Variants in MDGA2 observed in about 807,000 individuals in gnomAD.
The protein encoded by MDGA2 is MAM domain-containing glycosylphosphatidylinositol anchor protein 2.
Under a neutral mutation model 117.8 loss-of-function variants are expected in MDGA2, and 40 were observed. That is an observed-to-expected ratio of 0.34 (90% CI 0.26 to 0.44). MDGA2 has a LOEUF of 0.44. Among genes scored for constraint, MDGA2 ranks in the 20% least tolerant of loss-of-function variants. The pLI, the probability that MDGA2 is intolerant of heterozygous loss-of-function variation, is 1.00. For synonymous variants in MDGA2, 452 were observed against 439.0 expected (o/e 1.03, Z -0.37); for missense variants, 1,123 against 1,250.6 (o/e 0.90, Z 1.54).
At chr14:47,160,638 C>G (rs1395784558) in intron 3 of MDGA2, among the ~76,000 whole-genome samples, 1 of 152,162 alleles carries the variant, frequency 6.6e-6, no homozygotes, top group African/African-American at 2.4e-5. Flanking sequence ...CCACTCCATT[C>G]TGGACCACAG....
At chr14:47,529,266 T>G (rs1339140799) in intron 1 of MDGA2, among the ~76,000 whole-genome samples, 1 of 152,200 alleles carries the variant, frequency 6.6e-6, no homozygotes, top group East Asian at 1.9e-4. Flanking sequence ...CAGAAAAACT[T>G]CTATAAATCA....
At chr14:47,555,501 T>C (rs1895666121) in intron 1 of MDGA2, among the ~76,000 whole-genome samples, 1 of 152,170 alleles carries the variant, frequency 6.6e-6, no homozygotes, top group Non-Finnish European at 1.5e-5. Context: ...GTCATTAAGT[T>C]GCCATGTATG....
intron 1 of MDGA2, among the ~76,000 whole-genome samples, chr14:47,309,523 A>T (rs533335396): frequency 4.0e-4 from 61 of 152,232 alleles, no homozygotes; most frequent in African/African-American, 1.4e-3. Flanking sequence ...TTATTTCCTT[A>T]GTACATGTTG....
At chr14:46,975,310 C>A (rs1357887190) in intron 8 of MDGA2, among the ~76,000 whole-genome samples, 1 of 151,934 alleles carries the variant, frequency 6.6e-6, no homozygotes, top group Non-Finnish European at 1.5e-5. Flanking sequence ...TTTTAAAAAA[C>A]GAATTACTAC....
intron 1 of MDGA2, among the ~76,000 whole-genome samples, chr14:47,303,310 T>A (rs993851344): frequency 2.0e-5 from 3 of 152,192 alleles, no homozygotes; most frequent in African/African-American, 4.8e-5. Context: ...CTTTCTGCTA[T>A]GCATCATTTT....
At chr14:47,200,517 TTTTTTCTTTTTCTTTTC>T in intron 3 of MDGA2, 1 of 626,132 alleles carries the variant, frequency 1.6e-6, no homozygotes, top group Non-Finnish European at 2.5e-6. Flanking sequence ...TTTTCTTTTC[TTTTTTCTTTTTCTTTTC>T]TTTTTTTTTT....
At chr14:47,083,167 G>T (rs113889052) in intron 6 of MDGA2, among the ~76,000 whole-genome samples, 2,961 of 152,004 alleles carry the variant, frequency 0.019, 96 homozygotes, top group African/African-American at 0.067. Flanking sequence ...AATATCTGCA[G>T]AAATACTGGC....
chr14:46,897,490 T>G lies in MDGA2; in HGVS notation c.2239-15269A>C, dbSNP rs549466129. Among the ~76,000 whole-genome samples, 5 of 152,252 alleles carry G rather than the reference T, an allele frequency of 3.3e-5. No homozygotes were observed. In the South Asian group the frequency reaches 1.0e-3, roughly 32 times the overall value. On this transcript the variant is annotated intron_variant, in intron 10 of 16. Transcript: ENST00000399232. ...AATGTTGCACAATATCGTAGATTGATTCAGTCATTGAAAGCCATCTGTTGA... is the reference window on the plus strand; with the variant it reads ...AATGTTGCACAATATCGTAGATTGAGTCAGTCATTGAAAGCCATCTGTTGA...
chr14:47,234,198 A>G (rs189629190), intron 2 of MDGA2, among the ~76,000 whole-genome samples: 6 of 150,926 alleles, frequency 4.0e-5, no homozygotes, highest in Admixed American at 2.0e-4. Flanking sequence ...ATATGCTATA[A>G]ATACTTATAT....
intron 10 of MDGA2, among the ~76,000 whole-genome samples, chr14:46,905,645 A>G (rs1883461018): frequency 6.6e-6 from 1 of 152,178 alleles, no homozygotes; most frequent in African/African-American, 2.4e-5. Flanking sequence ...AAGAGTTACT[A>G]TATTGCTAGA....
At chr14:47,153,751 A>T (rs1013789956) in intron 3 of MDGA2, among the ~76,000 whole-genome samples, 2 of 152,036 alleles carry the variant, frequency 1.3e-5, no homozygotes, top group Non-Finnish European at 1.5e-5. Flanking sequence ...GCTTTGTAAA[A>T]GACTAAGGAA....
chr14:47,598,491 C>T (rs1183660745), intron 1 of MDGA2, among the ~76,000 whole-genome samples: 2 of 152,048 alleles, frequency 1.3e-5, no homozygotes, highest in Non-Finnish European at 2.9e-5. Context: ...TATTGTTCAG[C>T]CATAAAAATA....
chr14:47,596,544 C>T (rs962365747), intron 1 of MDGA2, among the ~76,000 whole-genome samples: 1 of 152,160 alleles, frequency 6.6e-6, no homozygotes, highest in Admixed American at 6.6e-5. Context: ...TCACCTTCCC[C>T]ACTCTGTCTC....
chr14:47,441,418 A>G (rs1893008821), intron 1 of MDGA2, among the ~76,000 whole-genome samples: 1 of 152,208 alleles, frequency 6.6e-6, no homozygotes, highest in African/African-American at 2.4e-5. Context: ...CTCAAAATGC[A>G]CATTTGTGCA....
intron 1 of MDGA2, among the ~76,000 whole-genome samples, chr14:47,327,972 T>C (rs1890190422): frequency 6.6e-6 from 1 of 151,792 alleles, no homozygotes; most frequent in Non-Finnish European, 1.5e-5. Context: ...TGCCTACAAT[T>C]GCTGAATGAC....
intron 6 of MDGA2, among the ~76,000 whole-genome samples, chr14:47,089,522 C>T (rs949894373): frequency 2.6e-5 from 4 of 151,922 alleles, no homozygotes; most frequent in African/African-American, 4.8e-5. Flanking sequence ...ATTATAGGTG[C>T]GAGCTGCCAC....
rs545631486 is a variant in MDGA2, at chr14:47,144,309, A to G, written c.596-35T>C. ...ATAAAAACAACCAAATGGCAATGTT[A>G]TGAGATAGATGACTTTTAAAGTATT... On this transcript the variant is annotated intron_variant, in intron 3 of 16. Coordinates refer to ENST00000399232, the MANE Select transcript of MDGA2 (RefSeq NM_001113498.3). The G allele has an allele frequency of 7.9e-5, 117 of 1,480,606 alleles. 1 individual carries two copies. In the East Asian group the frequency reaches 2.7e-3, roughly 34 times the overall value. 91.7% of individuals were successfully genotyped at this position (1,480,606 alleles called of 1,614,324 possible).
chr14:47,654,512 T>G (rs577036547), intron 1 of MDGA2, among the ~76,000 whole-genome samples: 1 of 152,028 alleles, frequency 6.6e-6, no homozygotes, highest in Non-Finnish European at 1.5e-5. Flanking sequence ...ACAGGGACAA[T>G]AGCTCAAAAG....
chr14:47,295,651 C>A (rs184604658), intron 2 of MDGA2, among the ~76,000 whole-genome samples: 3 of 152,142 alleles, frequency 2.0e-5, no homozygotes, highest in Non-Finnish European at 4.4e-5. Flanking sequence ...CAACTGTAAT[C>A]CTAGCACTTT....
Sources: gnomAD v4.1 joint callset for allele counts (sites outside exome capture counted in the v4.1 genomes callset) on GRCh38, gnomAD v4.1.1 for gene constraint, MANE v1.5 for transcripts, NCBI Gene and HGNC (gene_info 2026-07-23, HGNC 2026-07-21) for gene names.